The following RASA3 variants were observed in gnomAD, a reference collection of about 807,000 sequenced individuals.
The protein encoded by RASA3 is ras GTPase-activating protein 3.
In RASA3, 73 loss-of-function variants were observed where a neutral mutation model predicts 110.0. The observed-to-expected ratio is 0.66, with a 90% CI of 0.55 to 0.81. The LOEUF (loss-of-function observed/expected upper bound fraction) is 0.81. RASA3 is among the 30% of genes least tolerant of loss of function. The pLI is 0.00. For synonymous variants in RASA3, 500 were observed against 451.4 expected (o/e 1.11, Z -1.37); for missense variants, 976 against 1,113.2 (o/e 0.88, Z 1.75).
At chr13:114,042,385 T>C (rs2054429827) in intron 3 of RASA3, among the ~76,000 whole-genome samples, 1 of 152,238 alleles carries the variant, frequency 6.6e-6, no homozygotes, top group African/African-American at 2.4e-5. Context: ...CGCACACACA[T>C]GTGAAGTCTG....
intron 1 of RASA3, chr13:114,108,617 G>A (rs566013518): frequency 6.6e-6 from 1 of 152,066 alleles, no homozygotes; most frequent in African/African-American, 2.4e-5. Context: ...TTTTCTTGGT[G>A]CTAGAGCAAG....
At chr13:114,117,096 T>C (rs192388803) in intron 1 of RASA3, among the ~76,000 whole-genome samples, 1,841 of 96,774 alleles carry the variant, frequency 0.019, 29 homozygotes, top group Middle Eastern at 0.036. Context: ...GAGGGATGCA[T>C]GTGTGTGAGG....
chr13:114,053,604 A>G (rs946917356), intron 2 of RASA3, among the ~76,000 whole-genome samples: 15 of 152,220 alleles, frequency 9.9e-5, no homozygotes, highest in African/African-American at 3.6e-4. Flanking sequence ...GCCCCACCCC[A>G]GCCACACACA....
At chr13:114,022,561 C>A (rs906437351) in intron 8 of RASA3, among the ~76,000 whole-genome samples, 1 of 152,166 alleles carries the variant, frequency 6.6e-6, no homozygotes, top group East Asian at 1.9e-4. Flanking sequence ...GTTACCCTTG[C>A]GAATCCTGCA....
intron 4 of RASA3, chr13:114,035,484 C>A (rs928345068): frequency 2.6e-5 from 4 of 152,400 alleles, no homozygotes; most frequent in African/African-American, 9.6e-5. Context: ...CTCAATTTCC[C>A]TGTGAACACA....
chr13:113,980,421 C>T (rs2052902938), intron 23 of RASA3, among the ~76,000 whole-genome samples: 1 of 148,804 alleles, frequency 6.7e-6, no homozygotes, highest in Non-Finnish European at 1.5e-5. Flanking sequence ...CACGTGTTCA[C>T]CTCCTCCGTG....
intron 2 of RASA3, among the ~76,000 whole-genome samples, chr13:114,070,402 G>A (rs867138726): frequency 3.9e-5 from 6 of 152,218 alleles, no homozygotes; most frequent in African/African-American, 1.2e-4. Flanking sequence ...GTTAATGCAT[G>A]TGCACCGATG....
chr13:114,073,158 G>A (rs139451472), intron 2 of RASA3, among the ~76,000 whole-genome samples: 6,023 of 148,634 alleles, frequency 0.041, 12 homozygotes, highest in Middle Eastern at 0.09. Flanking sequence ...TTGGGACACT[G>A]TCTACACACA....
intron 1 of RASA3, among the ~76,000 whole-genome samples, chr13:114,105,734 C>T (rs939809154): frequency 3.3e-5 from 5 of 152,234 alleles, no homozygotes; most frequent in Non-Finnish European, 5.9e-5. Context: ...AGCAGCCCGT[C>T]CGTTGTCCTG....
Position 114,015,313 on chromosome 13 carries a change from A to G in RASA3, c.1301T>C (p.Val434Ala). ...ENNMENLRQY[V>A]DRVFHAITES... is the part of the protein sequence containing the mutation. The stretch of plus-strand genomic sequence containing the variant: ...AGTGATGGCGTGGAAGACGCGGTCC[A>G]CATACTGCCGTAGGTTCTCCTGCAA... Residue 434 changes from valine to alanine, a missense_variant, in exon 14 of 24, where the codon GTG (valine) becomes GCG (alanine). Val to Ala is a moderately conservative substitution (Grantham distance 64, BLOSUM62 0). Coordinates refer to ENST00000334062, the MANE Select transcript of RASA3 (RefSeq NM_007368.4). The G allele has an allele frequency of 6.2e-7, 1 of 1,612,992 alleles. No individual in the cohort carries two copies. The highest frequency in any genetic ancestry group is 8.5e-7 in the Non-Finnish European group (1 of 1,179,956).
chr13:114,117,261 AT>A (rs2080297341), intron 1 of RASA3, among the ~76,000 whole-genome samples: 1 of 9,542 alleles, frequency 1.0e-4, no homozygotes, highest in African/African-American at 4.0e-4. Context: ...TGTGTGAGGG[AT>A]GCACGTGTGT....
At chr13:114,055,361 G>A (rs1407670950) in intron 2 of RASA3, among the ~76,000 whole-genome samples, 5 of 152,222 alleles carry the variant, frequency 3.3e-5, no homozygotes, top group Admixed American at 1.3e-4. Flanking sequence ...CCTCCACCCT[G>A]TGTAAAGTCA....
Position 114,057,764 on chromosome 13 carries a change from A to T in RASA3, c.174-5609T>A, listed in dbSNP as rs984973231. 5.9e-5 allele frequency among the ~76,000 whole-genome samples: 9 copies of T among 152,074 alleles called. No individual in the cohort carries two copies. Among genetic ancestry groups the T allele is most frequent in the African/African-American group, 2.2e-4 (9 of 41,394 alleles). ...AATGAACCCACAGCTAAAACCCATA[A>T]AACCTCCGCCAACCACACCCAGACC... On this transcript the variant is annotated intron_variant, in intron 2 of 23. Coordinates refer to ENST00000334062, the MANE Select transcript of RASA3 (RefSeq NM_007368.4). This position sits in a 1 kb window ranked among gnomAD's most constrained non-coding sequence, Gnocchi z 5.0.
intron 1 of RASA3, among the ~76,000 whole-genome samples, chr13:114,087,722 A>C (rs1313226433): frequency 1.3e-5 from 2 of 152,254 alleles, no homozygotes; most frequent in Admixed American, 6.5e-5. Context: ...ACACCACCAC[A>C]ACCCATTTCA....
intron 1 of RASA3, among the ~76,000 whole-genome samples, chr13:114,126,443 C>T (rs1375053148): frequency 6.6e-6 from 1 of 152,072 alleles, no homozygotes; most frequent in African/African-American, 2.4e-5. Context: ...TCTTCAGGGG[C>T]AAGTTCAAAG....
In RASA3 at chr13:114,096,904, C is replaced by T. The variant is rs2079952759; in HGVS notation, c.56-23067G>A. On this transcript the variant is annotated intron_variant, in intron 1 of 23. Coordinates refer to ENST00000334062, the MANE Select transcript of RASA3 (RefSeq NM_007368.4). The surrounding 1 kb of genome is among the most constrained non-coding windows in gnomAD (Gnocchi z 5.1). ...CGCACTCCGTGTTTGCCAACATGTG[C>T]GCCTTTGAACATGCGTTCTCTCCGC... 2.6e-5 allele frequency among the ~76,000 whole-genome samples: 4 copies of T among 152,194 alleles called. No homozygotes were observed. Among genetic ancestry groups the T allele is most frequent in the South Asian group, 2.1e-4 (1 of 4,822 alleles).
chr13:114,117,932 TGTGTGAGGGGTGCAC>T lies in RASA3; in HGVS notation c.55+14488_55+14502del, dbSNP rs1207384766. On this transcript the variant is annotated intron_variant, in intron 1 of 23. Coordinates refer to ENST00000334062, the MANE Select transcript of RASA3 (RefSeq NM_007368.4). ...GCATGCACACACACCTGTAAGCATGTGTGTGAGGGGTGCACGTGTGAGGGGTGCATGCACACGCAC... is the reference window on the plus strand; with the variant it reads ...GCATGCACACACACCTGTAAGCATGTGTGTGAGGGGTGCATGCACACGCAC... 2.6e-5 allele frequency among the ~76,000 whole-genome samples: 4 copies of T among 151,594 alleles called. No homozygotes were observed. The East Asian group carries it at 7.8e-4, about 29-fold the overall frequency.
intron 11 of RASA3, among the ~76,000 whole-genome samples, chr13:114,017,713 G>A (rs1168402032): frequency 1.3e-5 from 2 of 152,216 alleles, no homozygotes; most frequent in Non-Finnish European, 1.5e-5. Context: ...AAACCCTCCT[G>A]TCAGCTACAG....
In RASA3 at chr13:114,073,773, C is replaced by G; in HGVS notation, c.120G>C (p.Val40=). 5 of 1,614,244 alleles carry G rather than the reference C, an allele frequency of 3.1e-6. No homozygotes were observed. The highest frequency in any genetic ancestry group is 4.2e-6 in the Non-Finnish European group (5 of 1,180,052). ...PSKMRDCYCT[V]NLDQEEVFRT... ...TGAAAACCTCCTCCTGGTCCAGGTTCACCGTGCAGTAGCAATCCCTCATCT... is the reference window on the plus strand; with the variant it reads ...TGAAAACCTCCTCCTGGTCCAGGTTGACCGTGCAGTAGCAATCCCTCATCT... The change falls in exon 2 of 24, where the codon GTG becomes GTC. Residue 40 remains valine (V), a synonymous_variant. Coordinates refer to ENST00000334062, the MANE Select transcript of RASA3 (RefSeq NM_007368.4).
Sources: gnomAD v4.1 joint callset for allele counts (sites outside exome capture counted in the v4.1 genomes callset) on GRCh38, gnomAD v4.1.1 for gene constraint, Gnocchi (gnomAD v3.1) non-coding constraint, MANE v1.5 for transcripts, NCBI Gene and HGNC (gene_info 2026-07-23, HGNC 2026-07-21) for gene names.